PHF20L1: variants seen among roughly 807,000 people sequenced by gnomAD.
PHF20L1 encodes PHD finger protein 20-like protein 1.
Under a neutral mutation model 125.5 loss-of-function variants are expected in PHF20L1, and 44 were observed. The observed-to-expected ratio is 0.35, with a 90% CI of 0.28 to 0.45. PHF20L1 has a LOEUF of 0.45. Among genes scored for constraint, PHF20L1 ranks in the 20% least tolerant of loss-of-function variants. The probability of loss-of-function intolerance (pLI) is 1.00; values close to 1 mark genes in which losing one functional copy is unlikely to be tolerated. For missense variants in PHF20L1, 1,012 were observed against 1,217.2 expected (o/e 0.83, Z 2.51); for synonymous variants, 380 against 403.1 (o/e 0.94, Z 0.69).
At chr8:132,782,551 A>G (rs922069534) in intron 2 of PHF20L1, among the ~76,000 whole-genome samples, 5 of 151,672 alleles carry the variant, frequency 3.3e-5, no homozygotes, top group Non-Finnish European at 7.4e-5. Context: ...AAGGCAAAAC[A>G]TCTCATTGCA....
At chr8:132,842,025 C>G (rs1375102186) in intron 18 of PHF20L1, 1 of 154,594 alleles carries the variant, frequency 6.5e-6, no homozygotes, top group Non-Finnish European at 1.4e-5. Flanking sequence ...GATGTGTATA[C>G]TTATCCATTT....
In PHF20L1 at chr8:132,797,681, G is replaced by T. The variant is rs150922617; in HGVS notation, c.341-1091G>T. On this transcript the variant is annotated intron_variant, in intron 4 of 20. Transcript: ENST00000395386. The stretch of plus-strand genomic sequence containing the variant: ...CAGTTGTTTGCATAACTTGAATTTA[G>T]ATCTTTATATCTGTGAAATTCAACG... Among the ~76,000 whole-genome samples, 8 of 151,868 alleles carry T rather than the reference G, an allele frequency of 5.3e-5. No individual in the cohort carries two copies. The East Asian group carries it at 1.2e-3, about 22-fold the overall frequency.
chr8:132,835,977 C>T (rs1020146085), intron 15 of PHF20L1, among the ~76,000 whole-genome samples: 1 of 151,812 alleles, frequency 6.6e-6, no homozygotes. Flanking sequence ...TAATAAAACC[C>T]GTCCTCTTTA....
rs1229876054 is a variant in PHF20L1, at chr8:132,845,839, A to T, written c.2970A>T (p.Arg990Ser). 1 of 1,610,746 alleles carries T rather than the reference A, an allele frequency of 6.2e-7. No homozygotes were observed. Among genetic ancestry groups the T allele is most frequent in the Admixed American group, 1.7e-5 (1 of 59,826 alleles). The change falls in exon 21 of 21, where the codon AGA (arginine) becomes AGT (serine). Residue 990 changes from arginine to serine, a missense_variant. Arg to Ser is a moderately radical substitution (Grantham distance 110, BLOSUM62 -1). This residue lies in a region of PHF20L1 where 277 missense variants were observed against 283.6 expected (regional missense o/e 0.98). Transcript: ENST00000395386. ...TGGAGCCACCAGATCCTCTTGCAAG[A>T]TTGCCCCAACTTAAACGCCACATAA... The part of the protein sequence containing the change: ...GELEPPDPLA[R>S]LPQLKRHIKQ...
At position 132,775,579 on chromosome 8, in the gene PHF20L1, C is replaced by T. The variant is rs1001213723; in HGVS notation, c.-104C>T. 15 of 353,236 alleles carry T rather than the reference C, an allele frequency of 4.2e-5. No homozygotes were observed. Among genetic ancestry groups the T allele is most frequent in the African/African-American group, 8.6e-5 (4 of 46,694 alleles). The allele number at this position is 353,236 out of a possible 1,614,324, so 21.9% of individuals were successfully genotyped here. ...AGGCAGAGGCAGAGGCCCGGGCTGG[C>T]CGCCCTGCTCGTGCCCCAGCTCGGC... On this transcript the variant is annotated 5_prime_UTR_variant, in exon 1 of 21. Coordinates refer to ENST00000395386, the MANE Select transcript of PHF20L1 (RefSeq NM_016018.5).
chr8:132,802,960 A>G (rs1029361034), intron 6 of PHF20L1, among the ~76,000 whole-genome samples: 2 of 151,784 alleles, frequency 1.3e-5, no homozygotes, highest in Admixed American at 6.6e-5. Flanking sequence ...AGAGATATTT[A>G]TATTTGTTTT....
At chr8:132,776,561 C>A (rs1292417435) in intron 1 of PHF20L1, among the ~76,000 whole-genome samples, 1 of 152,160 alleles carries the variant, frequency 6.6e-6, no homozygotes, top group Admixed American at 6.5e-5. Context: ...TACCCACTCT[C>A]CCCCTCCAAC....
intron 8 of PHF20L1, chr8:132,807,211 T>C (rs1286553604): frequency 6.3e-6 from 1 of 158,680 alleles, no homozygotes; most frequent in Non-Finnish European, 1.4e-5. Context: ...AATATATATA[T>C]ACACACACAA....
chr8:132,797,427 G>A (rs1292192572), intron 4 of PHF20L1, among the ~76,000 whole-genome samples: 1 of 151,986 alleles, frequency 6.6e-6, no homozygotes, highest in Non-Finnish European at 1.5e-5. Context: ...CTGGGGTTTA[G>A]ATAGACACAG....
intron 6 of PHF20L1, 50 bp downstream of exon 6, chr8:132,799,222 T>C (rs1410260265): frequency 1.8e-6 from 2 of 1,084,788 alleles, no homozygotes; most frequent in East Asian, 2.5e-5. Context: ...TGGTATATAA[T>C]GTCATTTAGA....
chr8:132,826,174 G>A (rs1446343431), intron 14 of PHF20L1: 1 of 152,008 alleles, frequency 6.6e-6, no homozygotes, highest in African/African-American at 2.4e-5. Flanking sequence ...GTGTTAAAAG[G>A]ATATGACCAC....
chr8:132,811,908 C>CTA, intron 9 of PHF20L1: 2 of 963,544 alleles, frequency 2.1e-6, no homozygotes, highest in Non-Finnish European at 1.2e-6. Context: ...TTATTAGTAG[C>CTA]CTAATAAAGA....
chr8:132,828,543 G>A (rs555367425), intron 14 of PHF20L1, among the ~76,000 whole-genome samples: 2 of 152,110 alleles, frequency 1.3e-5, no homozygotes, highest in Admixed American at 6.5e-5. Context: ...CTAAGTTCTT[G>A]TCCCTGTTAT....
At chr8:132,839,332 T>C in intron 17 of PHF20L1, 55 bp from the exon 18 acceptor site, 1 of 1,371,262 alleles carries the variant, frequency 7.3e-7, no homozygotes, top group South Asian at 1.2e-5. Context: ...TAGCAGTTGA[T>C]GAAAAATCCG....
intron 2 of PHF20L1, among the ~76,000 whole-genome samples, chr8:132,793,575 T>C (rs561677810): frequency 6.6e-6 from 1 of 152,318 alleles, no homozygotes; most frequent in Non-Finnish European, 1.5e-5. Context: ...TATTTAATCA[T>C]ACTTTAAAAA....
rs761845277 is a variant in PHF20L1, at chr8:132,832,294, A to T, written c.1804A>T (p.Thr602Ser). 2 of 1,609,046 alleles carry T rather than the reference A, an allele frequency of 1.2e-6. No individual in the cohort carries two copies. Among genetic ancestry groups the T allele is most frequent in the South Asian group, 2.2e-5 (2 of 90,954 alleles). The change falls in exon 15 of 21, where the codon ACT becomes TCT. Residue 602 changes from threonine (T) to serine (S), a missense_variant. Thr to Ser is a moderately conservative substitution (Grantham distance 58, BLOSUM62 1). This residue lies in a region of PHF20L1 where 320 missense variants were observed against 293.8 expected (regional missense o/e 1.09). Transcript: ENST00000395386. ...TTTGGAAAGGTGCTCTTCTCCACTAACTCGATCTTCTGGGAGTTCTCTGGC... is the reference window on the plus strand; with the variant it reads ...TTTGGAAAGGTGCTCTTCTCCACTATCTCGATCTTCTGGGAGTTCTCTGGC... The part of the protein sequence containing the change: ...EFLERCSSPL[T>S]RSSGSSLASR...
intron 12 of PHF20L1, chr8:132,818,041 A>G (rs1394540397): frequency 6.6e-6 from 1 of 152,154 alleles, no homozygotes; most frequent in Admixed American, 6.6e-5. Flanking sequence ...GAGGAGTGCA[A>G]TATGTAAAAT....
At chr8:132,832,188 A>G (rs763225595) in intron 14 of PHF20L1, 47 bp from the exon 15 acceptor site, 1 of 1,205,056 alleles carries the variant, frequency 8.3e-7, no homozygotes, top group Non-Finnish European at 1.2e-6. Flanking sequence ...AGTGACCTTA[A>G]TTATCTGACA....
chr8:132,787,122 G>A lies in PHF20L1; in HGVS notation c.84-7288G>A, dbSNP rs140258095. On this transcript the variant is annotated intron_variant, in intron 2 of 20. Transcript: ENST00000395386. The stretch of plus-strand genomic sequence containing the variant: ...GACAGGAAGATCATGTTTTAGTGGC[G>A]TAGGAAAGAAATTCTCTGTGGTCTA... Among the ~76,000 whole-genome samples the A allele has an allele frequency of 6.3e-3, 961 of 152,070 alleles. 9 individuals are homozygous for A. The highest frequency in any genetic ancestry group is 0.011 in the Non-Finnish European group (768 of 67,938).
Sources: gnomAD v4.1 joint callset for allele counts (sites outside exome capture counted in the v4.1 genomes callset) on GRCh38, gnomAD v4.1.1 for gene constraint, gnomAD v4.1.1 regional missense constraint, MANE v1.5 for transcripts, NCBI Gene and HGNC (gene_info 2026-07-23, HGNC 2026-07-21) for gene names.